Variants in ZFAT observed in about 807,000 individuals in gnomAD.
ZFAT encodes the protein zinc finger protein ZFAT.
A neutral mutation model predicts 117.7 loss-of-function variants in ZFAT; 64 were observed. The observed-to-expected ratio is 0.54, with a 90% confidence interval of 0.44 to 0.67. ZFAT has a LOEUF of 0.67. Ranked by LOEUF, ZFAT falls within the 30% of genes least tolerant of loss-of-function variation. The probability of loss-of-function intolerance (pLI) is 0.00; values close to 1 mark genes in which losing one functional copy is unlikely to be tolerated. For synonymous variants in ZFAT, 679 were observed against 615.0 expected, an observed-to-expected ratio of 1.10 and a Z score of -1.54; for missense variants, 1,433 against 1,584.5, an observed-to-expected ratio of 0.90 and a Z score of 1.62.
intron 2 of ZFAT, among the ~76,000 whole-genome samples, chr8:134,652,135 T>C (rs746640178): frequency 1.3e-5 from 2 of 152,120 alleles, no homozygotes; most frequent in African/African-American, 2.4e-5. Flanking sequence ...CTGGCCAAAA[T>C]GGCAAAACCC....
intron 13 of ZFAT, among the ~76,000 whole-genome samples, chr8:134,517,667 C>T (rs553285769): frequency 1.7e-3 from 263 of 152,342 alleles, no homozygotes; most frequent in Middle Eastern, 6.8e-3. Context: ...GGATCCAATT[C>T]TGCATCCCAC....
intron 12 of ZFAT, among the ~76,000 whole-genome samples, chr8:134,530,961 C>A (rs772950955): frequency 3.3e-5 from 5 of 152,214 alleles, no homozygotes; most frequent in Non-Finnish European, 5.9e-5. Flanking sequence ...TGGTTATCTG[C>A]GGAGGGTCCT....
At chr8:134,571,686 T>C (rs1824919963) in intron 10 of ZFAT, among the ~76,000 whole-genome samples, 1 of 152,226 alleles carries the variant, frequency 6.6e-6, no homozygotes, top group Admixed American at 6.5e-5. Flanking sequence ...CACAGCACTA[T>C]GAACCAAAGC....
At chr8:134,616,912 G>T (rs1488054367) in intron 3 of ZFAT, among the ~76,000 whole-genome samples, 2 of 152,132 alleles carry the variant, frequency 1.3e-5, no homozygotes, top group African/African-American at 4.8e-5. Context: ...ATATAAATAA[G>T]GACCTCAAAA....
the ZFAT span, among the ~76,000 whole-genome samples, chr8:134,804,152 T>C: frequency 6.6e-6 from 1 of 152,228 alleles, no homozygotes; most frequent in African/African-American, 2.4e-5. Context: ...TATTCAGATC[T>C]GTGGGGAAAC....
chr8:134,769,187 C>T, the ZFAT span, among the ~76,000 whole-genome samples: 3 of 152,020 alleles, frequency 2.0e-5, no homozygotes, highest in Admixed American at 6.5e-5. Context: ...ACCTCCACCC[C>T]CCAAAAAAGG....
At chr8:134,730,100 T>C in the ZFAT span, among the ~76,000 whole-genome samples, 1 of 152,178 alleles carries the variant, frequency 6.6e-6, no homozygotes, top group Non-Finnish European at 1.5e-5. Context: ...TGCTCCCACT[T>C]GTGTCAGGGA....
At chr8:134,587,820 T>C (rs1427337988) in intron 9 of ZFAT, among the ~76,000 whole-genome samples, 1 of 152,168 alleles carries the variant, frequency 6.6e-6, no homozygotes, top group Non-Finnish European at 1.5e-5. Context: ...ATGGTAACAC[T>C]CCAAACTGCT....
intron 3 of ZFAT, among the ~76,000 whole-genome samples, chr8:134,634,588 GAC>G (rs60734517): frequency 0.015 from 2,235 of 151,210 alleles, 62 homozygotes; most frequent in African/African-American, 0.052. Context: ...TATACATATT[GAC>G]ACACACACAC....
intron 7 of ZFAT, among the ~76,000 whole-genome samples, chr8:134,595,949 T>G (rs1826894333): frequency 6.6e-6 from 1 of 152,214 alleles, no homozygotes; most frequent in African/African-American, 2.4e-5. Flanking sequence ...TTGTTTCTGC[T>G]CTTCATGGGA....
At chr8:134,556,544 C>CA (rs564197868) in intron 11 of ZFAT, among the ~76,000 whole-genome samples, 8 of 146,102 alleles carry the variant, frequency 5.5e-5, no homozygotes, top group African/African-American at 1.3e-4. Context: ...TGATGAAAAC[C>CA]AAAAAAAAAG....
intron 1 of ZFAT, among the ~76,000 whole-genome samples, chr8:134,669,488 A>T (rs1185181408): frequency 3.3e-5 from 5 of 152,214 alleles, no homozygotes; most frequent in African/African-American, 4.8e-5. Context: ...CAGAATTTCA[A>T]ATCCTGCCAA....
intron 3 of ZFAT, among the ~76,000 whole-genome samples, chr8:134,619,919 G>A (rs1011825704): frequency 3.3e-5 from 5 of 152,178 alleles, no homozygotes; most frequent in Non-Finnish European, 5.9e-5. Flanking sequence ...CAGCCTGCAA[G>A]GTGAGCGCTT....
At chr8:134,795,157 T>C in the ZFAT span, 1 of 152,308 alleles carries the variant, frequency 6.6e-6, no homozygotes, top group Non-Finnish European at 1.5e-5. Flanking sequence ...GCCCTTGGAA[T>C]CTCTGAAATT....
chr8:134,621,778 A>G (rs779441186), intron 3 of ZFAT, among the ~76,000 whole-genome samples: 13 of 152,250 alleles, frequency 8.5e-5, no homozygotes, highest in Non-Finnish European at 1.8e-4. Flanking sequence ...AGTCCCAGCC[A>G]CTAAGCAACT....
Position 134,501,336 on chromosome 8 carries a change from G to A in ZFAT, c.3492+8283C>T, listed in dbSNP as rs531729111. ...TCTTCCACAGGCCTTTGAATCCATC[G>A]TGACTCATTACACTACAGAGGCTGC... On this transcript the variant is annotated intron_variant, in intron 15 of 15. Transcript: ENST00000377838. Among the ~76,000 whole-genome samples the A allele has an allele frequency of 5.5e-4, 83 of 152,224 alleles. 1 individual carries two copies. Among genetic ancestry groups the A allele is most frequent in the Middle Eastern group, 6.8e-3 (2 of 294 alleles).
At chr8:134,790,767 C>T in the ZFAT span, among the ~76,000 whole-genome samples, 1 of 152,262 alleles carries the variant, frequency 6.6e-6, no homozygotes, top group African/African-American at 2.4e-5. Flanking sequence ...GTAATCGTAA[C>T]ACTTTGGGAG....
chr8:134,605,863 A>T (rs1429557907), intron 5 of ZFAT, among the ~76,000 whole-genome samples: 2 of 152,222 alleles, frequency 1.3e-5, no homozygotes, highest in Non-Finnish European at 2.9e-5. Context: ...CCTTCCAGAA[A>T]GTGCCATAGG....
intron 1 of ZFAT, among the ~76,000 whole-genome samples, chr8:134,695,746 T>A (rs1056351342): frequency 1.4e-5 from 2 of 146,864 alleles, no homozygotes; most frequent in Admixed American, 1.3e-4. Flanking sequence ...CCCGCATCTC[T>A]AACCAAGGTG....
Sources: gnomAD v4.1 joint callset for allele counts (sites outside exome capture counted in the v4.1 genomes callset) on GRCh38, gnomAD v4.1.1 for gene constraint, MANE v1.5 for transcripts, NCBI Gene and HGNC (gene_info 2026-07-23, HGNC 2026-07-21) for gene names.